The following IGSF21 variants were observed in gnomAD, a reference collection of about 807,000 sequenced individuals.
IGSF21 encodes the protein immunoglobin superfamily member 21.
A neutral mutation model predicts 46.8 loss-of-function variants in IGSF21; 28 were observed. The observed-to-expected ratio is 0.60, with a 90% CI of 0.44 to 0.82. The LOEUF (loss-of-function observed/expected upper bound fraction) is 0.82, where lower values mean the gene tolerates loss of function less well. Ranked by LOEUF, IGSF21 falls within the 40% of genes least tolerant of loss-of-function variation. IGSF21 has a pLI of 0.00. For missense variants in IGSF21, 624 were observed against 665.5 expected, an observed-to-expected ratio of 0.94 and a Z score of 0.69; for synonymous variants, 284 against 273.6, an observed-to-expected ratio of 1.04 and a Z score of -0.38.
At chr1:18,314,948 G>A (rs1450172318) in intron 3 of IGSF21, among the ~76,000 whole-genome samples, 10 of 152,152 alleles carry the variant, frequency 6.6e-5, no homozygotes, top group Non-Finnish European at 7.4e-5. Flanking sequence ...GCTGATGGAG[G>A]TGCAGGAGGG....
intron 4 of IGSF21, among the ~76,000 whole-genome samples, chr1:18,339,384 C>CA (rs1389076589): frequency 2.0e-5 from 3 of 152,172 alleles, no homozygotes; most frequent in African/African-American, 7.2e-5. Context: ...GGAGTGGAGA[C>CA]AGAGTGCAGG....
Position 18,337,785 on chromosome 1 carries a change from C to T in IGSF21, c.424+2775C>T, listed in dbSNP as rs2085786160. Among the ~76,000 whole-genome samples, 6 of 152,334 alleles carry T rather than the reference C, an allele frequency of 3.9e-5. 1 individual carries two copies. In the South Asian group the frequency reaches 8.3e-4, roughly 21 times the overall value. ...ATCTGAGCAATTTCAGAGGGGCTTTCACATTGAGGACATCATCCAATCCTC... is the reference window on the plus strand; with the variant it reads ...ATCTGAGCAATTTCAGAGGGGCTTTTACATTGAGGACATCATCCAATCCTC... On this transcript the variant is annotated intron_variant, in intron 4 of 9. Coordinates refer to ENST00000251296, the MANE Select transcript of IGSF21 (RefSeq NM_032880.5). This position sits in a 1 kb window ranked among gnomAD's most constrained non-coding sequence, Gnocchi z 5.7.
chr1:18,355,243 A>C (rs1169508165), intron 4 of IGSF21, among the ~76,000 whole-genome samples: 1 of 152,236 alleles, frequency 6.6e-6, no homozygotes, highest in Non-Finnish European at 1.5e-5. Context: ...TTTATATCAG[A>C]TCAGGTTTGT....
intron 1 of IGSF21, among the ~76,000 whole-genome samples, chr1:18,209,673 AC>A (rs1166396975): frequency 6.8e-6 from 1 of 147,400 alleles, no homozygotes; most frequent in Admixed American, 6.8e-5. Context: ...TGTTGGGCAG[AC>A]TGGTCTCAAA....
At chr1:18,146,776 G>A (rs550265706) in intron 1 of IGSF21, among the ~76,000 whole-genome samples, 13 of 151,966 alleles carry the variant, frequency 8.6e-5, no homozygotes, top group Non-Finnish European at 1.8e-4. Flanking sequence ...TCTTCATGAC[G>A]CTCTCCCATC....
At chr1:18,192,193 A>G (rs2086964517) in intron 1 of IGSF21, among the ~76,000 whole-genome samples, 1 of 152,206 alleles carries the variant, frequency 6.6e-6, no homozygotes, top group Non-Finnish European at 1.5e-5. Flanking sequence ...TGCCTCTGTG[A>G]AATGGGGATC....
Position 18,239,069 on chromosome 1 carries a change from C to T in IGSF21, c.183+11059C>T, listed in dbSNP as rs1390581764. On this transcript the variant is annotated intron_variant, in intron 2 of 9. Coordinates refer to ENST00000251296, the MANE Select transcript of IGSF21 (RefSeq NM_032880.5). ...GCTTTCTCAGGGGTGAGAGTCCTGGCCTGAGCTACTACTGTTGGGGCCTCC... is the reference window on the plus strand; with the variant it reads ...GCTTTCTCAGGGGTGAGAGTCCTGGTCTGAGCTACTACTGTTGGGGCCTCC... Among the ~76,000 whole-genome samples the T allele has an allele frequency of 2.7e-4, 3 of 11,030 alleles. No homozygotes were observed. The Admixed American group carries it at 4.5e-3, about 17-fold the overall frequency. The allele number at this position is 11,030 out of a possible 152,430, so 7.2% of individuals were successfully genotyped here.
intron 3 of IGSF21, among the ~76,000 whole-genome samples, chr1:18,327,251 G>A (rs914531103): frequency 6.6e-6 from 1 of 152,184 alleles, no homozygotes; most frequent in Non-Finnish European, 1.5e-5. Context: ...CATGGAGTGA[G>A]CTGCTTCTAG....
intron 1 of IGSF21, among the ~76,000 whole-genome samples, chr1:18,209,826 T>C (rs1341973032): frequency 6.6e-6 from 1 of 152,062 alleles, no homozygotes; most frequent in Non-Finnish European, 1.5e-5. Context: ...GGTCCTGTCA[T>C]TTCTTGTCCC....
At chr1:18,281,045 A>G (rs2085153904) in intron 2 of IGSF21, among the ~76,000 whole-genome samples, 1 of 125,040 alleles carries the variant, frequency 8.0e-6, no homozygotes, top group East Asian at 2.0e-4. Flanking sequence ...CACCTCACCC[A>G]TTCTGTGAAC....
intron 1 of IGSF21, among the ~76,000 whole-genome samples, chr1:18,221,101 C>G (rs2084506152): frequency 6.6e-6 from 1 of 152,148 alleles, no homozygotes; most frequent in East Asian, 1.9e-4. Context: ...CCAAGAGCAG[C>G]CATGCTCTGA....
chr1:18,176,743 A>C (rs556484016), intron 1 of IGSF21, among the ~76,000 whole-genome samples: 1 of 152,236 alleles, frequency 6.6e-6, no homozygotes, highest in African/African-American at 2.4e-5. Flanking sequence ...TTTAGAATAC[A>C]GAGCAATTCC....
chr1:18,117,722 C>G (rs1157189466), intron 1 of IGSF21, among the ~76,000 whole-genome samples: 1 of 152,132 alleles, frequency 6.6e-6, no homozygotes, highest in Non-Finnish European at 1.5e-5. Context: ...CCCTTGATTC[C>G]CAGGAGGAGA....
intron 2 of IGSF21, among the ~76,000 whole-genome samples, chr1:18,266,163 A>G (rs2084987846): frequency 6.6e-6 from 1 of 152,076 alleles, no homozygotes; most frequent in Non-Finnish European, 1.5e-5. Context: ...TACATGAACT[A>G]TCTCATTTAA....
intron 2 of IGSF21, among the ~76,000 whole-genome samples, chr1:18,291,639 T>C (rs1355399119): frequency 6.6e-6 from 1 of 152,206 alleles, no homozygotes; most frequent in Non-Finnish European, 1.5e-5. Context: ...TGCTGTTCCC[T>C]TTGCCTAGAA....
At chr1:18,110,898 T>C (rs2124397259) in intron 1 of IGSF21, 1 of 152,342 alleles carries the variant, frequency 6.6e-6, no homozygotes, top group African/African-American at 2.4e-5. Context: ...GAGAGCAGGG[T>C]GGGGGCAGCC....
intron 3 of IGSF21, among the ~76,000 whole-genome samples, chr1:18,312,320 G>T (rs764660174): frequency 2.6e-5 from 4 of 152,200 alleles, no homozygotes; most frequent in Non-Finnish European, 5.9e-5. Flanking sequence ...ACTGAGATAG[G>T]TCGTGCTTAG....
chr1:18,301,629 T>G (rs1472955807), intron 3 of IGSF21, among the ~76,000 whole-genome samples: 1 of 152,202 alleles, frequency 6.6e-6, no homozygotes, highest in East Asian at 1.9e-4. Flanking sequence ...CATGAGCCAC[T>G]GTGCCCAGCC....
chr1:18,204,187 C>T (rs565202310), intron 1 of IGSF21, among the ~76,000 whole-genome samples: 17 of 152,240 alleles, frequency 1.1e-4, no homozygotes, highest in African/African-American at 3.9e-4. Flanking sequence ...CTCCTCTGAC[C>T]CCATAACATA....
Sources: gnomAD v4.1 joint callset for allele counts (sites outside exome capture counted in the v4.1 genomes callset) on GRCh38, gnomAD v4.1.1 for gene constraint, Gnocchi (gnomAD v3.1) non-coding constraint, MANE v1.5 for transcripts, NCBI Gene and HGNC (gene_info 2026-07-23, HGNC 2026-07-21) for gene names.